SLIT1: variants seen among roughly 807,000 people sequenced by gnomAD.
SLIT1 encodes the protein slit guidance ligand 1, also known as slit homolog 1 protein.
A neutral mutation model predicts 186.1 loss-of-function variants in SLIT1; 66 were observed. The ratio of observed to expected loss-of-function variants is 0.35; its 90% CI spans 0.29 to 0.44. The LOEUF is 0.44. Among genes scored for constraint, SLIT1 ranks in the 20% least tolerant of loss-of-function variants. SLIT1 has a pLI of 1.00. For missense variants in SLIT1, 1,638 were observed against 2,037.4 expected, an observed-to-expected ratio of 0.80 and a Z score of 3.77; for synonymous variants, 761 against 833.8, an observed-to-expected ratio of 0.91 and a Z score of 1.50.
chr10:97,011,229 G>A (rs1038572578), intron 30 of SLIT1, 99 bp from the exon 31 acceptor site: 2 of 818,032 alleles, frequency 2.4e-6, no homozygotes, highest in Non-Finnish European at 4.1e-6. Context: ...CTGTACATGT[G>A]AGGGAGAACC....
chr10:97,177,683 G>A (rs1480478305), intron 1 of SLIT1, among the ~76,000 whole-genome samples: 1 of 152,142 alleles, frequency 6.6e-6, no homozygotes, highest in Admixed American at 6.5e-5. Flanking sequence ...CATAAAAAAA[G>A]AAGGAAATCA....
chr10:97,084,924 C>T (rs1281391626), intron 4 of SLIT1, among the ~76,000 whole-genome samples: 1 of 126,164 alleles, frequency 7.9e-6, no homozygotes, highest in Non-Finnish European at 1.6e-5. Flanking sequence ...CTTTTCTTTC[C>T]TTTTTTTTTT....
chr10:97,113,998 C>G (rs1849487701), intron 4 of SLIT1, among the ~76,000 whole-genome samples: 1 of 152,140 alleles, frequency 6.6e-6, no homozygotes. Flanking sequence ...GACATCCACC[C>G]CGCTACCAGG....
At chr10:97,070,702 A>G (rs113431168) in intron 4 of SLIT1, among the ~76,000 whole-genome samples, 3,779 of 152,296 alleles carry the variant, frequency 0.025, 137 homozygotes, top group African/African-American at 0.078. Flanking sequence ...ACTGTCTATG[A>G]AGCCGGAAGC....
At chr10:97,064,696 A>G (rs180808077) in intron 6 of SLIT1, 109 bp downstream of exon 6, 312 of 734,480 alleles carry the variant, frequency 4.2e-4, no homozygotes, top group Non-Finnish European at 6.2e-5. Context: ...CTAGGAGGGC[A>G]GGTCTCTCCC....
At chr10:97,177,752 G>A (rs1272437144) in intron 1 of SLIT1, among the ~76,000 whole-genome samples, 2 of 152,198 alleles carry the variant, frequency 1.3e-5, no homozygotes, top group African/African-American at 2.4e-5. Flanking sequence ...GAGGCGGGTG[G>A]ATCACCTGAG....
intron 4 of SLIT1, among the ~76,000 whole-genome samples, chr10:97,096,896 C>G (rs1849296736): frequency 6.6e-6 from 1 of 152,168 alleles, no homozygotes; most frequent in Admixed American, 6.5e-5. Context: ...CCAACAAGCC[C>G]CTCCTGGGTG....
chr10:97,184,954 T>A lies in SLIT1; in HGVS notation c.197+524A>T, dbSNP rs531099265. On this transcript the variant is annotated intron_variant, in intron 1 of 36. Coordinates refer to ENST00000266058, the MANE Select transcript of SLIT1 (RefSeq NM_003061.3). The surrounding 1 kb of genome is among the most constrained non-coding windows in gnomAD (Gnocchi z 4.4). Reference sequence around the variant, plus strand: ...TGCAGGGGAAGAATTCTCAAGGCTCTGGGGCAAACAATGGAGAAGAAGGGG... The same window carrying A: ...TGCAGGGGAAGAATTCTCAAGGCTCAGGGGCAAACAATGGAGAAGAAGGGG... Among the ~76,000 whole-genome samples the A allele has an allele frequency of 2.6e-5, 4 of 152,328 alleles. No individual in the cohort carries two copies. The East Asian group carries it at 7.7e-4, about 29-fold the overall frequency.
intron 1 of SLIT1, among the ~76,000 whole-genome samples, chr10:97,174,824 G>A (rs1159608709): frequency 6.6e-6 from 1 of 152,024 alleles, no homozygotes; most frequent in Admixed American, 6.6e-5. Flanking sequence ...CTTGAGCTCT[G>A]GCACATCTGA....
intron 4 of SLIT1, among the ~76,000 whole-genome samples, chr10:97,109,954 C>T (rs1445768570): frequency 2.0e-5 from 3 of 152,158 alleles, no homozygotes; most frequent in African/African-American, 7.2e-5. Flanking sequence ...TACTCATATA[C>T]CACACCCAGG....
chr10:97,073,309 C>T (rs948380137), intron 4 of SLIT1, among the ~76,000 whole-genome samples: 1 of 152,214 alleles, frequency 6.6e-6, no homozygotes, highest in Non-Finnish European at 1.5e-5. Flanking sequence ...GTCATTGCTG[C>T]CCGTCCTCCT....
rs1848316695 is a variant in SLIT1, at chr10:97,002,255, TC to T, written c.4268del (p.Arg1423LysfsTer81). 3 of 1,601,590 alleles carry T rather than the reference TC, an allele frequency of 1.9e-6. No individual in the cohort carries two copies. Among genetic ancestry groups the T allele is most frequent in the Non-Finnish European group, 2.6e-6 (3 of 1,173,974 alleles). On this transcript the variant is annotated frameshift_variant, in exon 36 of 37. Transcript: ENST00000266058. LOFTEE classifies it high-confidence loss of function. Reference protein sequence around the residue: ...NQAGALAEPCRGLQCLHGHCQ... With the variant: ...NQAGALAEPCXGLQCLHGHCQ... ...AGTGGCCATGCAGGCACTGCAGGCCTCTGCAGGGCTCTGCCAGGGCCCCGGC... is the reference window on the plus strand; with the variant it reads ...AGTGGCCATGCAGGCACTGCAGGCCTTGCAGGGCTCTGCCAGGGCCCCGGC...
intron 4 of SLIT1, among the ~76,000 whole-genome samples, chr10:97,134,192 A>T (rs78140803): frequency 6.6e-6 from 1 of 152,132 alleles, no homozygotes; most frequent in East Asian, 1.9e-4. Context: ...GTGGGAGATC[A>T]TTAGCTCACC....
At position 97,000,464 on chromosome 10, in the gene SLIT1, G is replaced by A. The variant is rs1848293815; in HGVS notation, c.*648C>T. 1 of 152,460 alleles carries A rather than the reference G, an allele frequency of 6.6e-6. No homozygotes were observed. Among genetic ancestry groups the A allele is most frequent in the East Asian group, 1.9e-4 (1 of 5,196 alleles). 9.4% of individuals were successfully genotyped at this position (152,460 alleles called of 1,614,324 possible). A position where few individuals can be genotyped will look rare whatever the true frequency, so the allele number is the denominator to read the frequency against. On this transcript the variant is annotated 3_prime_UTR_variant, in exon 37 of 37. Transcript: ENST00000266058. The stretch of plus-strand genomic sequence containing the variant: ...TTAGGATTCAGAGGCCTGGTCCTAA[G>A]AACCACCTCCACCCACAGCCTCGTT...
chr10:97,064,226 T>C lies in SLIT1; in HGVS notation c.571A>G (p.Asn191Asp). Residue 191 changes from asparagine (N) to aspartate (D), a missense_variant, in exon 7 of 37, where the codon AAC becomes GAC. By Grantham distance (23) the Asn-to-Asp change is conservative. Around this residue, in one of 3 missense-constraint regions of SLIT1, gnomAD observed 1,245 missense variants for 1,535.3 expected, o/e 0.81. Transcript: ENST00000266058. ...RGLEVLTLNNNNITTIPVSSF... is the reference protein window; with the variant it reads ...RGLEVLTLNNDNITTIPVSSF... ...GACACGGGGATGGTGGTGATATTGT[T>C]GTTGTTCAGGGTCCTAAATGGGAAA... is the stretch of plus-strand genomic sequence containing the variant. The C allele has an allele frequency of 6.2e-7, 1 of 1,613,828 alleles. No individual in the cohort carries two copies. Among genetic ancestry groups the C allele is most frequent in the Non-Finnish European group, 8.5e-7 (1 of 1,179,936 alleles).
intron 30 of SLIT1, among the ~76,000 whole-genome samples, chr10:97,012,520 C>T (rs1848420798): frequency 6.6e-6 from 1 of 152,204 alleles, no homozygotes; most frequent in East Asian, 1.9e-4. Context: ...CAATGCTTGC[C>T]CTTCGTGATT....
chr10:97,056,606 G>A, intron 12 of SLIT1, 142 bp from the exon 13 acceptor site: 3 of 855,626 alleles, frequency 3.5e-6, no homozygotes, highest in Non-Finnish European at 5.4e-6. Context: ...TCTGCCCTCT[G>A]GATGTCTGCC....
In SLIT1 at chr10:97,043,470, A is replaced by G. The variant is rs1848708152; in HGVS notation, c.1897T>C (p.Phe633Leu). Reference protein sequence around the residue: ...NRISCIHNDSFTGLRNVRLLS... With the variant: ...NRISCIHNDSLTGLRNVRLLS... ...AGCCGGACGTTGCGCAGGCCCGTGAAGCTGTCGTTGTGGATGCAGCTGATG... is the reference window on the plus strand; with the variant it reads ...AGCCGGACGTTGCGCAGGCCCGTGAGGCTGTCGTTGTGGATGCAGCTGATG... Residue 633 changes from phenylalanine to leucine, a missense_variant, in exon 19 of 37, where the codon TTC becomes CTC. By Grantham distance (22) the Phe-to-Leu change is conservative. Coordinates refer to ENST00000266058, the MANE Select transcript of SLIT1 (RefSeq NM_003061.3). The surrounding 1 kb of genome is among the most constrained non-coding windows in gnomAD (Gnocchi z 7.0). 6.2e-7 allele frequency: 1 copy of G among 1,613,732 alleles called. No individual in the cohort carries two copies. The highest frequency in any genetic ancestry group is 1.1e-5 in the South Asian group (1 of 91,072).
intron 13 of SLIT1, among the ~76,000 whole-genome samples, chr10:97,049,362 C>T (rs1053052056): frequency 2.0e-5 from 3 of 152,180 alleles, no homozygotes; most frequent in Non-Finnish European, 4.4e-5. Context: ...TCCTGCTGTC[C>T]TACTCCCCAT....
Sources: allele counts gnomAD v4.1 joint callset (sites outside exome capture counted in the v4.1 genomes callset), GRCh38; gene constraint gnomAD v4.1.1; regional missense constraint gnomAD v4.1.1; non-coding constraint Gnocchi (gnomAD v3.1); transcripts MANE v1.5; gene names NCBI Gene and HGNC (gene_info 2026-07-23, HGNC 2026-07-21).